Variants in AGBL1 observed in about 807,000 individuals in gnomAD.
AGBL1 encodes AGBL carboxypeptidase 1.
A neutral mutation model predicts 118.9 loss-of-function variants in AGBL1; 130 were observed. The observed-to-expected ratio is 1.09, with a 90% CI of 0.95 to 1.26. AGBL1 has a LOEUF of 1.26. Among genes scored for constraint, AGBL1 ranks in the 50% most tolerant of loss-of-function variants. The pLI is 0.00. For missense variants in AGBL1, 1,584 were observed against 1,298.1 expected, an observed-to-expected ratio of 1.22 and a Z score of -3.38; for synonymous variants, 555 against 478.9, an observed-to-expected ratio of 1.16 and a Z score of -2.08.
chr15:86,779,620 A>G (rs1411395172), intron 22 of AGBL1, among the ~76,000 whole-genome samples: 3 of 152,150 alleles, frequency 2.0e-5, no homozygotes, highest in African/African-American at 4.8e-5. Context: ...CTTGTAGTTG[A>G]TACTGCCAAA....
rs1335221360 is a variant in AGBL1, at chr15:86,201,223, A to T, written c.489-23691A>T. On this transcript the variant is annotated intron_variant, in intron 5 of 22. Transcript: ENST00000614907. ...ACGACTGTGTACTTATCTATAGATC[A>T]ATCAAGACCTAGGAAAGATAATGGG... Among the ~76,000 whole-genome samples the T allele has an allele frequency of 2.0e-5, 3 of 152,220 alleles. No individual in the cohort carries two copies. The East Asian group carries it at 5.8e-4, about 29-fold the overall frequency.
chr15:86,784,890 G>C (rs1323164486), intron 22 of AGBL1, among the ~76,000 whole-genome samples: 1 of 152,008 alleles, frequency 6.6e-6, no homozygotes, highest in East Asian at 1.9e-4. Flanking sequence ...TACTATCTTT[G>C]CAACTTTTCT....
chr15:86,990,995 T>C (rs1468168798), intron 24 of AGBL1, among the ~76,000 whole-genome samples: 1 of 152,152 alleles, frequency 6.6e-6, no homozygotes, highest in African/African-American at 2.4e-5. Context: ...TTGAGAATAG[T>C]GAAGGAGGGG....
chr15:86,365,026 TAC>T (rs1402351918), intron 17 of AGBL1, among the ~76,000 whole-genome samples: 3 of 133,144 alleles, frequency 2.3e-5, no homozygotes, highest in Non-Finnish European at 4.7e-5. Context: ...CATATATATA[TAC>T]ACACACATAT....
At chr15:86,200,493 T>A (rs886872362) in intron 5 of AGBL1, among the ~76,000 whole-genome samples, 4 of 151,964 alleles carry the variant, frequency 2.6e-5, no homozygotes, top group Admixed American at 1.3e-4. Flanking sequence ...TTTAAAGGTG[T>A]TTATTTTATA....
chr15:86,312,737 C>T (rs2079939373), intron 17 of AGBL1, among the ~76,000 whole-genome samples: 2 of 152,262 alleles, frequency 1.3e-5, no homozygotes, highest in African/African-American at 2.4e-5. Flanking sequence ...TAGTGATGCA[C>T]ATCCCGTTAG....
chr15:86,733,770 C>T (rs2077558136), intron 22 of AGBL1, among the ~76,000 whole-genome samples: 1 of 152,110 alleles, frequency 6.6e-6, no homozygotes, highest in African/African-American at 2.4e-5. Flanking sequence ...CTCCCAGGAT[C>T]TCATAAACAG....
chr15:86,841,396 G>A (rs865776803), intron 22 of AGBL1, among the ~76,000 whole-genome samples: 42 of 152,352 alleles, frequency 2.8e-4, no homozygotes, highest in African/African-American at 7.9e-4. Context: ...ATAGACACAT[G>A]CCAAATACAG....
chr15:86,307,393 G>C (rs1163435853), intron 17 of AGBL1, among the ~76,000 whole-genome samples: 1 of 151,848 alleles, frequency 6.6e-6, no homozygotes, highest in Non-Finnish European at 1.5e-5. Flanking sequence ...CTAAATATGG[G>C]AACATTTTCT....
At chr15:86,858,463 GGTGTGTGT>G (rs3059715) in intron 22 of AGBL1, among the ~76,000 whole-genome samples, 16 of 147,168 alleles carry the variant, frequency 1.1e-4, no homozygotes, top group African/African-American at 3.5e-4. Flanking sequence ...CCTTTCAGGT[GGTGTGTGT>G]GTGTGTGTGT....
chr15:86,958,206 TAAA>T (rs545565434), intron 23 of AGBL1, among the ~76,000 whole-genome samples: 1 of 125,186 alleles, frequency 8.0e-6, no homozygotes, highest in African/African-American at 3.0e-5. Flanking sequence ...TCTTGTTTCT[TAAA>T]AAAAAAAAAA....
At chr15:86,765,707 A>T (rs2078088263) in intron 22 of AGBL1, among the ~76,000 whole-genome samples, 1 of 151,946 alleles carries the variant, frequency 6.6e-6, no homozygotes, top group South Asian at 2.1e-4. Context: ...TTTTTTTTAA[A>T]AATTTTTAAA....
At chr15:86,179,978 A>G (rs2077530542) in intron 5 of AGBL1, among the ~76,000 whole-genome samples, 1 of 152,180 alleles carries the variant, frequency 6.6e-6, no homozygotes, top group Admixed American at 6.5e-5. Flanking sequence ...AAACTTAGGG[A>G]TAAATCTGCC....
chr15:86,415,766 A>G (rs1255688891), intron 18 of AGBL1, among the ~76,000 whole-genome samples: 1 of 152,110 alleles, frequency 6.6e-6, no homozygotes, highest in African/African-American at 2.4e-5. Context: ...GCTTATCCCA[A>G]TTTCATCCAA....
At chr15:86,256,506 C>T (rs894895157) in intron 7 of AGBL1, among the ~76,000 whole-genome samples, 2 of 152,180 alleles carry the variant, frequency 1.3e-5, no homozygotes, top group Non-Finnish European at 1.5e-5. Context: ...GAAAAGACAC[C>T]GGCCTCCTCT....
intron 21 of AGBL1, among the ~76,000 whole-genome samples, chr15:86,660,527 A>T (rs1045052935): frequency 6.6e-6 from 1 of 152,132 alleles, no homozygotes; most frequent in Non-Finnish European, 1.5e-5. Context: ...TTTCCCCTTA[A>T]AGTTAATTGT....
chr15:86,600,916 C>G (rs534336939), intron 21 of AGBL1, among the ~76,000 whole-genome samples: 42 of 152,240 alleles, frequency 2.8e-4, no homozygotes, highest in African/African-American at 9.9e-4. Flanking sequence ...TTAATCAAGG[C>G]AGAGGAGGAA....
chr15:86,309,001 A>G (rs1381880659), intron 17 of AGBL1, among the ~76,000 whole-genome samples: 2 of 152,230 alleles, frequency 1.3e-5, no homozygotes, highest in Non-Finnish European at 2.9e-5. Context: ...TTGGGTCTGT[A>G]GATTGCTTTG....
rs372845535 is a variant in AGBL1, at chr15:86,686,474, T to C, written c.3158+12038T>C. Among the ~76,000 whole-genome samples the C allele has an allele frequency of 1.0e-4, 15 of 148,440 alleles. No homozygotes were observed. In the East Asian group the frequency reaches 2.5e-3, roughly 24 times the overall value. Reference sequence around the variant, plus strand: ...TTTTTTTTTTTTTGAGATGAAGTCTTGCCCTGTCACTGGAGTGCAATGGCA... The same window carrying C: ...TTTTTTTTTTTTTGAGATGAAGTCTCGCCCTGTCACTGGAGTGCAATGGCA... On this transcript the variant is annotated intron_variant, in intron 22 of 22. Coordinates refer to ENST00000614907, the MANE Select transcript of AGBL1 (RefSeq NM_001386094.1).
Sources: allele counts gnomAD v4.1 joint callset (sites outside exome capture counted in the v4.1 genomes callset), GRCh38; gene constraint gnomAD v4.1.1; transcripts MANE v1.5; gene names NCBI Gene and HGNC (gene_info 2026-07-23, HGNC 2026-07-21).